GSG1L: variants seen among roughly 807,000 people sequenced by gnomAD.
The protein encoded by GSG1L is germ cell-specific gene 1-like protein.
In GSG1L, 24 loss-of-function variants were observed where a neutral mutation model predicts 42.1. The observed-to-expected ratio is 0.57, with a 90% CI of 0.41 to 0.80. The LOEUF (loss-of-function observed/expected upper bound fraction) is 0.80, where lower values mean the gene tolerates loss of function less well. GSG1L is among the 30% of genes least tolerant of loss of function. GSG1L has a pLI of 0.00. For synonymous variants in GSG1L, 215 were observed against 203.5 expected (o/e 1.06, Z -0.48); for missense variants, 445 against 472.2 (o/e 0.94, Z 0.53).
chr16:27,849,343 C>T (rs2083481355), intron 3 of GSG1L, among the ~76,000 whole-genome samples: 1 of 152,104 alleles, frequency 6.6e-6, no homozygotes, highest in Admixed American at 6.6e-5. Context: ...GACGAGAAGT[C>T]AGTAAAAGGC....
Position 27,828,815 on chromosome 16 carries a change from A to G in GSG1L, c.804T>C (p.Pro268=). 6.2e-7 allele frequency: 1 copy of G among 1,614,132 alleles called. No homozygotes were observed. Among genetic ancestry groups the G allele is most frequent in the Non-Finnish European group, 8.5e-7 (1 of 1,180,000 alleles). Residue 268 remains proline (P), a synonymous_variant, in exon 5 of 7, where the codon CCT becomes CCC. Coordinates refer to ENST00000447459, the MANE Select transcript of GSG1L (RefSeq NM_001109763.2). ...GYREEPTFID[P]EAIKYFRERM... is the part of the protein sequence containing the mutation. Reference sequence around the variant, plus strand: ...TCTCCCGGAAGTACTTGATGGCCTCAGGGTCTATGAAGGTCGGCTCTTCCC... The same window carrying G: ...TCTCCCGGAAGTACTTGATGGCCTCGGGGTCTATGAAGGTCGGCTCTTCCC...
At chr16:28,013,566 G>T (rs546036657) in intron 1 of GSG1L, among the ~76,000 whole-genome samples, 1 of 152,152 alleles carries the variant, frequency 6.6e-6, no homozygotes, top group African/African-American at 2.4e-5. Flanking sequence ...GTGACTGTAC[G>T]TCCACACATG....
chr16:28,016,084 G>A (rs1016725639), intron 1 of GSG1L, among the ~76,000 whole-genome samples: 1 of 152,142 alleles, frequency 6.6e-6, no homozygotes, highest in African/African-American at 2.4e-5. Context: ...TCCACCTCCA[G>A]GCTCAAGTGA....
chr16:28,000,402 C>G (rs1406718860), intron 1 of GSG1L, among the ~76,000 whole-genome samples: 1 of 152,220 alleles, frequency 6.6e-6, no homozygotes, highest in African/African-American at 2.4e-5. Flanking sequence ...GGACTCCACC[C>G]TGGGATGGGA....
chr16:27,801,744 G>T (rs55932718), intron 6 of GSG1L, among the ~76,000 whole-genome samples: 7,482 of 152,198 alleles, frequency 0.049, 209 homozygotes, highest in Admixed American at 0.074. Context: ...GCGGTCCAGG[G>T]TGTGGGTGAT....
At chr16:27,968,280 T>C (rs2085156871) in intron 1 of GSG1L, among the ~76,000 whole-genome samples, 1 of 152,166 alleles carries the variant, frequency 6.6e-6, no homozygotes, top group African/African-American at 2.4e-5. Flanking sequence ...GATAAGGTCT[T>C]GCCCTGTTGC....
At chr16:27,987,943 C>CT in intron 1 of GSG1L, among the ~76,000 whole-genome samples, 1 of 36,104 alleles carries the variant, frequency 2.8e-5, no homozygotes, top group Admixed American at 3.5e-4. Flanking sequence ...AAGACTCCGT[C>CT]TCAAAAAAAA....
chr16:27,998,713 G>T (rs1018378543), intron 1 of GSG1L, among the ~76,000 whole-genome samples: 11 of 152,064 alleles, frequency 7.2e-5, no homozygotes, highest in Non-Finnish European at 1.6e-4. Flanking sequence ...TTTGAGCCCA[G>T]TTCAAGGTTG....
At position 27,825,736 on chromosome 16, in the gene GSG1L, GA is replaced by G. The variant is rs1474183174; in HGVS notation, c.830+3052del. On this transcript the variant is annotated intron_variant, in intron 5 of 6. Transcript: ENST00000447459. ...TGGAGGGATCCAGTGGGAGGTAATT[GA>G]ATCATGGGGACAGTACCCCTAATAA... Among the ~76,000 whole-genome samples, 3 of 140,932 alleles carry G rather than the reference GA, an allele frequency of 2.1e-5. No homozygotes were observed. In the East Asian group the frequency reaches 6.2e-4, roughly 29 times the overall value. The allele number at this position is 140,932 out of a possible 152,430, so 92.5% of individuals were successfully genotyped here.
intron 2 of GSG1L, among the ~76,000 whole-genome samples, chr16:27,961,290 T>A (rs778637127): frequency 6.6e-6 from 1 of 152,214 alleles, no homozygotes; most frequent in Non-Finnish European, 1.5e-5. Context: ...CACACATGCA[T>A]GTGCACATAC....
Position 27,789,905 on chromosome 16 carries a change from G to A in GSG1L, c.*1465C>T, listed in dbSNP as rs963791631. On this transcript the variant is annotated 3_prime_UTR_variant, in exon 7 of 7. Transcript: ENST00000447459. The stretch of plus-strand genomic sequence containing the variant: ...GGACTATAGATGGATAATAGATGAT[G>A]AGTGGGTGGATAATGGATTAATGAT... The A allele has an allele frequency of 6.6e-6, 1 of 151,538 alleles. No homozygotes were observed. Among genetic ancestry groups the A allele is most frequent in the East Asian group, 2.0e-4 (1 of 5,112 alleles). The allele number at this position is 151,538 out of a possible 1,614,324, so 9.4% of individuals were successfully genotyped here.
Position 27,884,347 on chromosome 16 carries a change from T to C in GSG1L, c.550+139A>G, listed in dbSNP as rs1359321331. On this transcript the variant is annotated intron_variant, in intron 3 of 6. Transcript: ENST00000447459. The surrounding 1 kb of genome is among the most constrained non-coding windows in gnomAD (Gnocchi z 4.4). ...CAGTCAATATGCATTGGTCATTTTT[T>C]ACAAACGATAAAACTGAGGCTCACA... is the stretch of plus-strand genomic sequence containing the variant. The C allele has an allele frequency of 2.6e-6, 2 of 771,324 alleles. No individual in the cohort carries two copies. The allele number at this position is 771,324 out of a possible 1,614,324, so 47.8% of individuals were successfully genotyped here. A position where few individuals can be genotyped will look rare whatever the true frequency, so the allele number is the denominator to read the frequency against.
chr16:27,853,925 C>T (rs1408725606), intron 3 of GSG1L, among the ~76,000 whole-genome samples: 2 of 152,110 alleles, frequency 1.3e-5, no homozygotes, highest in Non-Finnish European at 2.9e-5. Flanking sequence ...TGTAGCCAGG[C>T]TGCCAGCATT....
chr16:27,905,994 C>T (rs1276216321), intron 2 of GSG1L, among the ~76,000 whole-genome samples: 1 of 152,068 alleles, frequency 6.6e-6, no homozygotes, highest in African/African-American at 2.4e-5. Flanking sequence ...ACCCACAAAG[C>T]TTTTGCCAAT....
At chr16:27,809,691 A>G (rs1428151409) in intron 5 of GSG1L, among the ~76,000 whole-genome samples, 1 of 151,888 alleles carries the variant, frequency 6.6e-6, no homozygotes, top group Non-Finnish European at 1.5e-5. Flanking sequence ...CTTGTCTTGC[A>G]GCTGTCCTAA....
At chr16:27,920,934 G>C (rs1339713293) in intron 2 of GSG1L, among the ~76,000 whole-genome samples, 1 of 152,146 alleles carries the variant, frequency 6.6e-6, no homozygotes, top group African/African-American at 2.4e-5. Context: ...GATGGAAGCA[G>C]GTGATTTCTA....
intron 4 of GSG1L, among the ~76,000 whole-genome samples, chr16:27,833,965 T>C (rs1240998490): frequency 1.3e-5 from 2 of 152,198 alleles, no homozygotes; most frequent in African/African-American, 4.8e-5. Context: ...GTCTTTTATG[T>C]CTTATTTTTA....
chr16:28,058,695 A>G (rs184117366), intron 1 of GSG1L, among the ~76,000 whole-genome samples: 92 of 152,104 alleles, frequency 6.0e-4, no homozygotes, highest in African/African-American at 2.1e-3. Context: ...TCTTTGCCCA[A>G]CAGATGCTCC....
intron 4 of GSG1L, among the ~76,000 whole-genome samples, chr16:27,843,716 C>T (rs2140982394): frequency 6.6e-6 from 1 of 152,262 alleles, no homozygotes; most frequent in East Asian, 1.9e-4. Flanking sequence ...TTTGTGGTAG[C>T]TCACTCAGCA....
Sources: gnomAD v4.1 joint callset for allele counts (sites outside exome capture counted in the v4.1 genomes callset) on GRCh38, gnomAD v4.1.1 for gene constraint, Gnocchi (gnomAD v3.1) non-coding constraint, MANE v1.5 for transcripts, NCBI Gene and HGNC (gene_info 2026-07-23, HGNC 2026-07-21) for gene names.